Variants in SLC26A4 observed in about 807,000 individuals in gnomAD.
SLC26A4 encodes pendrin.
In SLC26A4, 93 loss-of-function variants were observed where a neutral mutation model predicts 90.4. The ratio of observed to expected loss-of-function variants is 1.03; its 90% CI spans 0.87 to 1.22. The LOEUF is 1.22. Ranked by LOEUF, SLC26A4 falls within the 50% of genes most tolerant of loss-of-function variation. The pLI is 0.00. For missense variants in SLC26A4, 1,127 were observed against 946.2 expected, an observed-to-expected ratio of 1.19 and a Z score of -2.51; for synonymous variants, 393 against 354.6, an observed-to-expected ratio of 1.11 and a Z score of -1.22.
chr7:107,682,132 T>A (rs10273003), intron 6 of SLC26A4, among the ~76,000 whole-genome samples: 61,636 of 107,020 alleles, frequency 0.58, 16,747 homozygotes, highest in East Asian at 0.61. Context: ...AAAAAAAAAT[T>A]TTTTTTATGT....
Position 107,689,148 on chromosome 7 carries a change from C to T in SLC26A4, c.1097C>T (p.Ser366Leu), listed in dbSNP as rs1237731962. ...IAVVAYAIAV[S>L]VGKVYATKYD... The stretch of plus-strand genomic sequence containing the variant: ...GTGGTGGCTTATGCTATTGCAGTGT[C>T]AGTAGGAAAAGTATATGCCACCAAG... The change falls in exon 9 of 21, where the codon TCA becomes TTA. Residue 366 changes from serine to leucine, a missense_variant. Ser to Leu is a moderately radical substitution (Grantham distance 145, BLOSUM62 -2). Transcript: ENST00000644269. 6.2e-7 allele frequency: 1 copy of T among 1,613,586 alleles called. No homozygotes were observed. Among genetic ancestry groups the T allele is most frequent in the Non-Finnish European group, 8.5e-7 (1 of 1,179,764 alleles).
intron 6 of SLC26A4, among the ~76,000 whole-genome samples, chr7:107,680,586 C>T (rs577183114): frequency 1.3e-5 from 2 of 150,928 alleles, no homozygotes; most frequent in Admixed American, 6.6e-5. Context: ...TCATAGAGCT[C>T]TTCTTAAAAG....
chr7:107,711,195 A>G (rs1260087766), intron 19 of SLC26A4, among the ~76,000 whole-genome samples: 3 of 152,014 alleles, frequency 2.0e-5, no homozygotes, highest in African/African-American at 7.3e-5. Flanking sequence ...AGAAAAAAAA[A>G]CTGTTTATCA....
chr7:107,693,765 T>G (rs2129316729), intron 10 of SLC26A4: 1 of 977,438 alleles, frequency 1.0e-6, no homozygotes, highest in East Asian at 1.0e-4. Flanking sequence ...TGTTTCAGGC[T>G]GCCTTGGGGC....
intron 3 of SLC26A4, among the ~76,000 whole-genome samples, chr7:107,668,764 T>C (rs965270489): frequency 6.6e-5 from 10 of 152,210 alleles, no homozygotes. Context: ...TGAAGGTGCC[T>C]GTAGATTCAG....
In SLC26A4 at chr7:107,704,361, A is replaced by T. The variant is rs771151132; in HGVS notation, c.2065A>T (p.Asn689Tyr). The change falls in exon 18 of 21, where the codon AAT becomes TAT. Residue 689 changes from asparagine (N) to tyrosine (Y), a missense_variant. Coordinates refer to ENST00000644269, the MANE Select transcript of SLC26A4 (RefSeq NM_000441.2). ...IVKEFQRIDVNVYFASLQDYV... is the reference protein window; with the variant it reads ...IVKEFQRIDVYVYFASLQDYV... ...CAAAGAATTCCAAAGAATTGATGTG[A>T]ATGTGTATTTTGCATCACTTCAAGG... is the stretch of plus-strand genomic sequence containing the variant. 3 of 1,405,282 alleles carry T rather than the reference A, an allele frequency of 2.1e-6. No homozygotes were observed. The highest frequency in any genetic ancestry group is 1.7e-5 in the Admixed American group (1 of 58,920). The allele number at this position is 1,405,282 out of a possible 1,614,324, so 87.1% of individuals were successfully genotyped here. A position where few individuals can be genotyped will look rare whatever the true frequency, so the allele number is the denominator to read the frequency against.
chr7:107,705,005 G>C (rs779997357), intron 18 of SLC26A4, among the ~76,000 whole-genome samples: 1 of 152,116 alleles, frequency 6.6e-6, no homozygotes, highest in Non-Finnish European at 1.5e-5. Context: ...CTATGTGCCT[G>C]TGCCTTGCAT....
rs2395911 is a variant in SLC26A4 at position 107,683,668 on chromosome 7, G to T, written c.1001+131G>T. On this transcript the variant is annotated intron_variant, in intron 8 of 20. Coordinates refer to ENST00000644269, the MANE Select transcript of SLC26A4 (RefSeq NM_000441.2). ...CAATAGTCCTATTTGTGTGTGATCT[G>T]GAAGAAACAACCATAAGACAAACAG... 548,637 of 753,910 alleles carry T rather than the reference G, an allele frequency of 0.73. 201,393 individuals carry two copies. Among genetic ancestry groups the T allele is most frequent in the African/African-American group, 0.86 (48,441 of 56,586 alleles). The allele number at this position is 753,910 out of a possible 1,614,324, so 46.7% of individuals were successfully genotyped here.
Position 107,701,117 on chromosome 7 carries a change from T to C in SLC26A4, c.1724T>C (p.Ile575Thr), listed in dbSNP as rs1791873998. 2 of 1,606,052 alleles carry C rather than the reference T, an allele frequency of 1.2e-6. No individual in the cohort carries two copies. The highest frequency in any genetic ancestry group is 2.2e-5 in the East Asian group (1 of 44,818). The change falls in exon 16 of 21, where the codon ATT becomes ACT. Residue 575 changes from isoleucine (I) to threonine (T), a missense_variant. Transcript: ENST00000644269. ...TTTCCAAAGGTTGGATTTGATGCCA[T>C]TAGAGTATATAATAAGAGGCTGAAA... ...CIKSTVGFDA[I>T]RVYNKRLKAL... is the part of the protein sequence containing the mutation.
rs376354309 is a variant in SLC26A4 at position 107,679,526 on chromosome 7, G to A, written c.766-3676G>A. Among the ~76,000 whole-genome samples, 31 of 151,762 alleles carry A rather than the reference G, an allele frequency of 2.0e-4. No homozygotes were observed. In the East Asian group the frequency reaches 3.9e-3, roughly 19 times the overall value. On this transcript the variant is annotated intron_variant, in intron 6 of 20. Coordinates refer to ENST00000644269, the MANE Select transcript of SLC26A4 (RefSeq NM_000441.2). ...ATTATTGGGCATAATTTTTTCTTAC[G>A]GTTTCATAAACACAGGTAATCCTGG...
In SLC26A4 at chr7:107,661,681, C is replaced by G; in HGVS notation, c.40C>G (p.Pro14Ala). 1 of 1,572,776 alleles carries G rather than the reference C, an allele frequency of 6.4e-7. No individual in the cohort carries two copies. Among genetic ancestry groups the G allele is most frequent in the Non-Finnish European group, 8.6e-7 (1 of 1,163,906 alleles). The change falls in exon 2 of 21, where the codon CCC becomes GCC. Residue 14 changes from proline (P) to alanine (A), a missense_variant. Coordinates refer to ENST00000644269, the MANE Select transcript of SLC26A4 (RefSeq NM_000441.2). The surrounding 1 kb of genome is among the most constrained non-coding windows in gnomAD (Gnocchi z 5.1). The part of the protein sequence containing the change: ...PGGRSEPPQL[P>A]EYSCSYMVSR... Reference sequence around the variant, plus strand: ...CGGCAGGTCGGAGCCGCCGCAGCTCCCCGAGTACAGCTGCAGCTACATGGT... The same window carrying G: ...CGGCAGGTCGGAGCCGCCGCAGCTCGCCGAGTACAGCTGCAGCTACATGGT...
At chr7:107,693,838 A>C in intron 10 of SLC26A4, 12 of 369,818 alleles carry the variant, frequency 3.2e-5, no homozygotes, top group Non-Finnish European at 4.3e-5. Context: ...CCCACCTCTC[A>C]ATGTGCAAAT....
chr7:107,710,161 G>GTC lies in SLC26A4; in HGVS notation c.2198_2199insCT (p.Lys734Ter). ...TGCTATACTCTATCTACAGAACCAA[G>GTC]TGAAATCTCAAGAGGGTCAAGGTTC... On this transcript the variant is annotated frameshift_variant, in exon 19 of 21. Coordinates refer to ENST00000644269, the MANE Select transcript of SLC26A4 (RefSeq NM_000441.2). LOFTEE classifies it high-confidence loss of function. 6.2e-7 allele frequency: 1 copy of GTC among 1,609,152 alleles called. No individual in the cohort carries two copies. The highest frequency in any genetic ancestry group is 1.7e-5 in the Admixed American group (1 of 60,006).
chr7:107,682,104 T>TAAAAA (rs1169027377), intron 6 of SLC26A4, among the ~76,000 whole-genome samples: 3 of 33,172 alleles, frequency 9.0e-5, no homozygotes, highest in African/African-American at 2.8e-4. Flanking sequence ...GCAAGAGAGC[T>TAAAAA]AAAAAAAAAA....
At chr7:107,668,171 A>C (rs1790767825) in intron 3 of SLC26A4, among the ~76,000 whole-genome samples, 1 of 152,136 alleles carries the variant, frequency 6.6e-6, no homozygotes, top group East Asian at 1.9e-4. Context: ...TGGATAAGGT[A>C]GATGTTTGAG....
Position 107,672,236 on chromosome 7 carries a change from C to T in SLC26A4, c.403C>T (p.His135Tyr). The T allele has an allele frequency of 1.3e-6, 2 of 1,580,652 alleles. No individual in the cohort carries two copies. The highest frequency in any genetic ancestry group is 2.2e-5 in the East Asian group (1 of 44,660). The change falls in exon 4 of 21, where the codon CAT becomes TAT. Residue 135 changes from histidine (H) to tyrosine (Y), a missense_variant. Physicochemically the swap from His to Tyr is moderately conservative, Grantham distance 83 (BLOSUM62 2). Coordinates refer to ENST00000644269, the MANE Select transcript of SLC26A4 (RefSeq NM_000441.2). ...ATACTTTATCTTTGGAACATCAAGA[C>T]ATATCTCAGTTGGTAATTATAAGTA... ...LTYFIFGTSR[H>Y]ISVGPFPVVS...
chr7:107,675,036 T>C lies in SLC26A4; in HGVS notation c.692T>C (p.Val231Ala). The C allele has an allele frequency of 6.2e-7, 1 of 1,614,056 alleles. No individual in the cohort carries two copies. The highest frequency in any genetic ancestry group is 1.1e-5 in the South Asian group (1 of 91,086). The stretch of plus-strand genomic sequence containing the variant: ...TTCACAACAGCTGCTGCCTTCCAAG[T>C]GCTGGTCTCACAGCTAAAGATTGTC... ...GGFTTAAAFQ[V>A]LVSQLKIVLN... Residue 231 changes from valine to alanine, a missense_variant, in exon 6 of 21, where the codon GTG becomes GCG. Transcript: ENST00000644269.
chr7:107,674,157 T>A lies in SLC26A4; in HGVS notation c.416-7T>A, dbSNP rs111033387. 27 of 1,613,800 alleles carry A rather than the reference T, an allele frequency of 1.7e-5. No homozygotes were observed. The South Asian group carries it at 3.0e-4, about 18-fold the overall frequency. ...CTGATTAATTGTTAGAGACTTTTTT[T>A]CCCCAGGACCTTTTCCAGTGGTGAG... is the stretch of plus-strand genomic sequence containing the variant. On this transcript the variant is annotated splice_region_variant and splice_polypyrimidine_tract_variant and intron_variant, in intron 4 of 20. Transcript: ENST00000644269.
In SLC26A4 at chr7:107,663,537, C is replaced by T. The variant is rs879013074; in HGVS notation, c.304+102C>T. 24 of 1,298,448 alleles carry T rather than the reference C, an allele frequency of 1.8e-5. No individual in the cohort carries two copies. The Admixed American group carries it at 4.1e-4, about 22-fold the overall frequency. The allele number at this position is 1,298,448 out of a possible 1,614,324, so 80.4% of individuals were successfully genotyped here. The stretch of plus-strand genomic sequence containing the variant: ...ACAGATGGTTGCTTACCCTTCAAGG[C>T]CTGTATCTTTCCTGTAGAGCCCCTT... On this transcript the variant is annotated intron_variant, in intron 3 of 20. Transcript: ENST00000644269.
Sources: gnomAD v4.1 joint callset for allele counts (sites outside exome capture counted in the v4.1 genomes callset) on GRCh38, gnomAD v4.1.1 for gene constraint, Gnocchi (gnomAD v3.1) non-coding constraint, MANE v1.5 for transcripts, NCBI Gene and HGNC (gene_info 2026-07-23, HGNC 2026-07-21) for gene names.